Variants in EXOG observed in about 807,000 individuals in gnomAD.
EXOG encodes exo/endonuclease G, also known as nuclease EXOG, mitochondrial.
A neutral mutation model predicts 25.8 loss-of-function variants in EXOG; 27 were observed. That is an observed-to-expected ratio of 1.05 (90% CI 0.77 to 1.45). EXOG has a LOEUF of 1.45. Ranked by LOEUF, EXOG falls within the 40% of genes most tolerant of loss-of-function variation. EXOG has a pLI of 0.00. For synonymous variants in EXOG, 133 were observed against 167.0 expected (o/e 0.80, Z 1.57); for missense variants, 458 against 450.5 (o/e 1.02, Z -0.15).
Position 38,523,123 on chromosome 3 carries a change from T to TTTAG in EXOG, c.646-775_646-772dup, listed in dbSNP as rs774693262. The TTTAG allele has an allele frequency of 7.8e-5, 77 of 983,476 alleles. No homozygotes were observed. The African/African-American group carries it at 1.2e-3, about 16-fold the overall frequency. The allele number at this position is 983,476 out of a possible 1,614,324, so 60.9% of individuals were successfully genotyped here. A position where few individuals can be genotyped will look rare whatever the true frequency, so the allele number is the denominator to read the frequency against. On this transcript the variant is annotated intron_variant, in intron 5 of 5. Transcript: ENST00000287675. ...TGGCTGCTTCTCTAAGGGCTATCTG[T>TTTAG]TTAGTTCCCTAGTGAATTTCATAAA... is the stretch of plus-strand genomic sequence containing the variant.
At position 38,524,665 on chromosome 3, in the gene EXOG, G is replaced by T. The variant is rs1424389400; in HGVS notation, c.*303G>T. On this transcript the variant is annotated 3_prime_UTR_variant, in exon 6 of 6. Transcript: ENST00000287675. Reference sequence around the variant, plus strand: ...AGAAACAGTGGAATCCTAAATTTATGACTAAAAATTCCCCCAAAAGATGAA... The same window carrying T: ...AGAAACAGTGGAATCCTAAATTTATTACTAAAAATTCCCCCAAAAGATGAA... The T allele has an allele frequency of 2.9e-6, 3 of 1,049,160 alleles. No individual in the cohort carries two copies. Among genetic ancestry groups the T allele is most frequent in the Non-Finnish European group, 3.4e-6 (3 of 872,370 alleles). 65.0% of individuals were successfully genotyped at this position (1,049,160 alleles called of 1,614,324 possible).
chr3:38,520,749 A>G (rs1193265470), intron 5 of EXOG, among the ~76,000 whole-genome samples: 3 of 152,206 alleles, frequency 2.0e-5, no homozygotes, highest in Non-Finnish European at 2.9e-5. Context: ...TCTTCATAAC[A>G]ATTCTATGAG....
intron 5 of EXOG, among the ~76,000 whole-genome samples, chr3:38,520,884 C>T (rs1434835122): frequency 6.6e-6 from 1 of 152,172 alleles, no homozygotes; most frequent in Non-Finnish European, 1.5e-5. Flanking sequence ...CAGGTTTGAC[C>T]AGGTCTCTGG....
At chr3:38,497,802 G>A in intron 2 of EXOG, 24 bp downstream of exon 2, 1 of 1,580,146 alleles carries the variant, frequency 6.3e-7, no homozygotes, top group Non-Finnish European at 8.5e-7. Flanking sequence ...TAAAAAAACT[G>A]AAGTAACAGT....
At position 38,524,490 on chromosome 3, in the gene EXOG, G is replaced by GTGTC; in HGVS notation, c.*129_*132dup. 2 of 1,406,664 alleles carry GTGTC rather than the reference G, an allele frequency of 1.4e-6. No homozygotes were observed. The highest frequency in any genetic ancestry group is 1.9e-6 in the Non-Finnish European group (2 of 1,074,526). 87.1% of individuals were successfully genotyped at this position (1,406,664 alleles called of 1,614,324 possible). On this transcript the variant is annotated 3_prime_UTR_variant, in exon 6 of 6. Transcript: ENST00000287675. ...TCTCTTTAAGAGATGTGGTCTCGCC[G>GTGTC]TGTCATCCAGGCTGGAGTGCAGTGG...
chr3:38,505,343 A>G (rs940520104), intron 4 of EXOG: 1 of 150,290 alleles, frequency 6.7e-6, no homozygotes, highest in African/African-American at 2.5e-5. Context: ...TCCTTTCCAT[A>G]TTCTGGATTT....
At chr3:38,507,841 A>T (rs748794440) in intron 5 of EXOG, among the ~76,000 whole-genome samples, 1 of 152,170 alleles carries the variant, frequency 6.6e-6, no homozygotes. Flanking sequence ...CAGGATAACA[A>T]CTAGATTGCA....
Position 38,524,168 on chromosome 3 carries a change from C to T in EXOG, c.913C>T (p.Gln305Ter), listed in dbSNP as rs1360293530. ...GGACACCTGTAAGCTCCTGGATTTC[C>T]AGGAGTTCACCTTGTACTTGAGTAC... ...SVDTCKLLDFQEFTLYLSTRK... is the reference protein window; with the variant it reads ...SVDTCKLLDF The change falls in exon 6 of 6, where the codon CAG becomes TAG. Residue 305 changes from glutamine (Q) to a stop codon, truncating the protein, a stop_gained. Transcript: ENST00000287675. LOFTEE classifies it low-confidence loss of function (END_TRUNC). 6.2e-7 allele frequency: 1 copy of T among 1,614,146 alleles called. No homozygotes were observed. Among genetic ancestry groups the T allele is most frequent in the Non-Finnish European group, 8.5e-7 (1 of 1,180,020 alleles).
intron 4 of EXOG, among the ~76,000 whole-genome samples, chr3:38,504,250 C>T (rs1359677604): frequency 6.6e-6 from 1 of 151,694 alleles, no homozygotes; most frequent in Non-Finnish European, 1.5e-5. Context: ...GCCTGTATCC[C>T]AGCTACTCAG....
Position 38,524,410 on chromosome 3 carries a change from C to T in EXOG, c.*48C>T. On this transcript the variant is annotated 3_prime_UTR_variant, in exon 6 of 6. Transcript: ENST00000287675. ...ACCGTCTGTAATGAAGCAGGCATGCCCTCTTTAGGCTAACATATTTTAGTG... is the reference window on the plus strand; with the variant it reads ...ACCGTCTGTAATGAAGCAGGCATGCTCTCTTTAGGCTAACATATTTTAGTG... The T allele has an allele frequency of 3.3e-6, 5 of 1,526,488 alleles. No individual in the cohort carries two copies. Among genetic ancestry groups the T allele is most frequent in the Non-Finnish European group, 4.4e-6 (5 of 1,141,968 alleles). The allele number at this position is 1,526,488 out of a possible 1,614,324, so 94.6% of individuals were successfully genotyped here.
chr3:38,519,903 A>C (rs757847692), intron 5 of EXOG, among the ~76,000 whole-genome samples: 43 of 152,026 alleles, frequency 2.8e-4, no homozygotes, highest in Non-Finnish European at 5.3e-4. Flanking sequence ...TCCCCCCCTC[A>C]GGTTCGGATT....
chr3:38,523,397 T>C (rs2060781550), intron 5 of EXOG: 5 of 884,064 alleles, frequency 5.7e-6, no homozygotes, highest in Non-Finnish European at 6.8e-6. Flanking sequence ...GGAGTCTTGC[T>C]CTGTCGGCCA....
At position 38,525,579 on chromosome 3, in the gene EXOG, C is replaced by T. The variant is rs2060849742; in HGVS notation, c.*1217C>T. The T allele has an allele frequency of 3.0e-6, 3 of 985,068 alleles. No homozygotes were observed. Among genetic ancestry groups the T allele is most frequent in the Non-Finnish European group, 3.6e-6 (3 of 829,782 alleles). 61.0% of individuals were successfully genotyped at this position (985,068 alleles called of 1,614,324 possible). ...TCCAGAGATACAGTTCTTTTAGTGA[C>T]CAGATACTGCCAAATTGATGTGTTC... is the stretch of plus-strand genomic sequence containing the variant. On this transcript the variant is annotated 3_prime_UTR_variant, in exon 6 of 6. Coordinates refer to ENST00000287675, the MANE Select transcript of EXOG (RefSeq NM_005107.4).
intron 5 of EXOG, among the ~76,000 whole-genome samples, chr3:38,510,201 A>G (rs893662167): frequency 1.3e-5 from 2 of 152,182 alleles, no homozygotes; most frequent in Non-Finnish European, 2.9e-5. Flanking sequence ...GCTGACTTCT[A>G]CTTTACAAAA....
intron 4 of EXOG, among the ~76,000 whole-genome samples, chr3:38,505,966 A>C (rs1004129364): frequency 6.6e-6 from 1 of 151,308 alleles, no homozygotes; most frequent in Non-Finnish European, 1.5e-5. Flanking sequence ...AAAAAAAAAA[A>C]AACTTCCAAC....
Position 38,523,960 on chromosome 3 carries a change from C to A in EXOG, c.705C>A (p.Arg235=). The change falls in exon 6 of 6, where the codon CGC becomes CGA. Residue 235 remains arginine, a synonymous_variant. Coordinates refer to ENST00000287675, the MANE Select transcript of EXOG (RefSeq NM_005107.4). ...ACCTTTATAAGGTAATCCTGGCCCGCAGAAGCTCAGTATCTACCGAACCAC... is the reference window on the plus strand; with the variant it reads ...ACCTTTATAAGGTAATCCTGGCCCGAAGAAGCTCAGTATCTACCGAACCAC... The part of the protein sequence containing the change: ...PSHLYKVILA[R]RSSVSTEPLA... The A allele has an allele frequency of 6.2e-7, 1 of 1,606,198 alleles. No individual in the cohort carries two copies.
intron 2 of EXOG, 37 bp downstream of exon 2, chr3:38,497,815 T>G (rs1420722204): frequency 6.4e-7 from 1 of 1,568,356 alleles, no homozygotes. Flanking sequence ...GTAACAGTAT[T>G]TATGAAAGAT....
At position 38,524,767 on chromosome 3, in the gene EXOG, G is replaced by GTGTCTGTTAACAC; in HGVS notation, c.*405_*406insTGTCTGTTAACAC. On this transcript the variant is annotated 3_prime_UTR_variant, in exon 6 of 6. Transcript: ENST00000287675. Reference sequence around the variant, plus strand: ...AAGGGAGCTTTGACACCTGCAGATGGAGGGCTGATCTTGTGTCAAGTTAAC... The same window carrying GTGTCTGTTAACAC: ...AAGGGAGCTTTGACACCTGCAGATGGTGTCTGTTAACACAGGGCTGATCTTGTGTCAAGTTAAC... 19 of 990,548 alleles carry GTGTCTGTTAACAC rather than the reference G, an allele frequency of 1.9e-5. No individual in the cohort carries two copies. Among genetic ancestry groups the GTGTCTGTTAACAC allele is most frequent in the Non-Finnish European group, 2.3e-5 (19 of 833,484 alleles). The allele number at this position is 990,548 out of a possible 1,614,324, so 61.4% of individuals were successfully genotyped here.
chr3:38,514,778 C>CTTTT (rs10678824), intron 5 of EXOG, among the ~76,000 whole-genome samples: 188 of 113,538 alleles, frequency 1.7e-3, no homozygotes, highest in African/African-American at 3.1e-3. Context: ...CCTCCCCCTG[C>CTTTT]TTTTTTTTTT....
Sources: gnomAD v4.1 joint callset for allele counts (sites outside exome capture counted in the v4.1 genomes callset) on GRCh38, gnomAD v4.1.1 for gene constraint, MANE v1.5 for transcripts, NCBI Gene and HGNC (gene_info 2026-07-23, HGNC 2026-07-21) for gene names.